The following EPPK1 variants were observed in gnomAD, a reference collection of about 807,000 sequenced individuals.
EPPK1 encodes the protein epiplakin 1, also known as epiplakin.
For synonymous variants in EPPK1, 1,862 were observed against 1,721.2 expected (o/e 1.08, Z -2.03); for missense variants, 3,823 against 3,673.3 (o/e 1.04, Z -1.05).
Position 143,867,391 on chromosome 8 carries a change from C to T in EPPK1, c.5863G>A (p.Val1955Met), listed in dbSNP as rs782020110. ...TCCTCGTTCACCAGGCCCACATCCA[C>T]AGCCTCATCCACAGAGAGCTTCTGG... The part of the protein sequence containing the change: ...TRQKLSVDEA[V>M]DVGLVNEELR... The change falls in exon 2 of 2, where the codon GTG becomes ATG. Residue 1955 changes from valine (V) to methionine (M), a missense_variant. Physicochemically the swap from Val to Met is conservative, Grantham distance 21 (BLOSUM62 1). Transcript: ENST00000615648. The T allele has an allele frequency of 6.8e-6, 11 of 1,612,812 alleles. No individual in the cohort carries two copies. The highest frequency in any genetic ancestry group is 6.7e-5 in the African/African-American group (5 of 74,936).
rs782773092 is a variant in EPPK1 at position 143,870,630 on chromosome 8, T to A, written c.2624A>T (p.Gln875Leu). The change falls in exon 2 of 2, where the codon CAG becomes CTG. Residue 875 changes from glutamine to leucine, a missense_variant. Transcript: ENST00000615648. This position sits in a 1 kb window ranked among gnomAD's most constrained non-coding sequence, Gnocchi z 5.2. Reference sequence around the variant, plus strand: ...CAGTGCGGGCAGCATGATGTCCGCCTGTCTCTGCGTCTCCGCCTCCAGCAG... The same window carrying A: ...CAGTGCGGGCAGCATGATGTCCGCCAGTCTCTGCGTCTCCGCCTCCAGCAG... The part of the protein sequence containing the change: ...AKLLEAETQR[Q>L]ADIMLPALRS... 14 of 1,606,476 alleles carry A rather than the reference T, an allele frequency of 8.7e-6. 1 individual carries two copies. The South Asian group carries it at 1.6e-4, about 18-fold the overall frequency.
At position 143,867,174 on chromosome 8, in the gene EPPK1, A is replaced by C. The variant is rs782379600; in HGVS notation, c.6080T>G (p.Leu2027Arg). 6 of 1,612,708 alleles carry C rather than the reference A, an allele frequency of 3.7e-6. No individual in the cohort carries two copies. Among genetic ancestry groups the C allele is most frequent in the South Asian group, 1.1e-5 (1 of 91,068 alleles). Reference sequence around the variant, plus strand: ...ACAGCCCCGTCTGTAGGCTGTTTCCAGTGGGAGCCGGTGGTGGTGCTGTGG... The same window carrying C: ...ACAGCCCCGTCTGTAGGCTGTTTCCCGTGGGAGCCGGTGGTGGTGCTGTGG... ...IDPQHHHRLP[L>R]ETAYRRGCLH... Residue 2027 changes from leucine (L) to arginine (R), a missense_variant, in exon 2 of 2, where the codon CTG (leucine) becomes CGG (arginine). Transcript: ENST00000615648.
Position 143,871,680 on chromosome 8 carries a change from G to GCCCT in EPPK1, c.1570_1573dup (p.Ala525GlufsTer21). ...TTCCTGGTACTGCTGGGCCAGCATCGCCCTCTGCTCTGAGGAGATGGCCTC... is the reference window on the plus strand; with the variant it reads ...TTCCTGGTACTGCTGGGCCAGCATCGCCCTCCCTCTGCTCTGAGGAGATGGCCTC... On this transcript the variant is annotated frameshift_variant, in exon 2 of 2. Coordinates refer to ENST00000615648, the MANE Select transcript of EPPK1 (RefSeq NM_031308.4). LOFTEE classifies it low-confidence loss of function (END_TRUNC). The GCCCT allele has an allele frequency of 6.2e-7, 1 of 1,603,052 alleles. No homozygotes were observed. Among genetic ancestry groups the GCCCT allele is most frequent in the Non-Finnish European group, 8.5e-7 (1 of 1,176,608 alleles).
At chr8:143,878,393 TGCC>T (rs1819526186) in intron 1 of EPPK1, 42 bp downstream of exon 1, 1 of 24,550 alleles carries the variant, frequency 4.1e-5, no homozygotes, top group Non-Finnish European at 9.2e-5. Context: ...CCGCCGCACC[TGCC>T]CGCACCCGCC....
rs1819399170 is a variant in EPPK1 at position 143,872,778 on chromosome 8, C to T, written c.476G>A (p.Gly159Asp). Residue 159 changes from glycine (G) to aspartate (D), a missense_variant, in exon 2 of 2, where the codon GGC (glycine) becomes GAC (aspartate). Gly to Asp is a moderately conservative substitution (Grantham distance 94). Coordinates refer to ENST00000615648, the MANE Select transcript of EPPK1 (RefSeq NM_031308.4). The stretch of plus-strand genomic sequence containing the variant: ...CACTCCCTGGGCGGGGTCCACCAGG[C>T]CCCCAGTGGCCAGTTGGACCTCCAG... ...SWLEVQLATG[G>D]LVDPAQGVLV... 2.5e-6 allele frequency: 4 copies of T among 1,577,898 alleles called. No individual in the cohort carries two copies. Among genetic ancestry groups the T allele is most frequent in the Non-Finnish European group, 3.5e-6 (4 of 1,158,056 alleles).
rs782310345 is a variant in EPPK1, at chr8:143,873,081, T to C, written c.173A>G (p.Tyr58Cys). 3.9e-6 allele frequency: 6 copies of C among 1,555,550 alleles called. No homozygotes were observed. In the African/African-American group the frequency reaches 6.8e-5, roughly 18 times the overall value. ...VEASGQAQSV[Y>C]AAMEQGLLPA... ...CAGGAGGCCCTGCTCCATGGCGGCG[T>C]AGACACTCTGGGCCTGGCCCGAGGC... The change falls in exon 2 of 2, where the codon TAC becomes TGC. Residue 58 changes from tyrosine (Y) to cysteine (C), a missense_variant. By Grantham distance (194) the Tyr-to-Cys change is radical (BLOSUM62 -2). Transcript: ENST00000615648.
At chr8:143,878,564 G>GGTGCCGGAAACCCCGCGCGGCC (rs1819538309), upstream of EPPK1, 2 of 141,884 alleles carry the variant, frequency 1.4e-5, no homozygotes, top group African/African-American at 5.2e-5. Context: ...GCGGGGCGGG[G>GGTGCCGGAAACCCCGCGCGGCC]CGGGCAGGTG....
Position 143,857,859 on chromosome 8 carries a change from G to C in EPPK1, c.*128C>G. 1 of 643,588 alleles carries C rather than the reference G, an allele frequency of 1.6e-6. No individual in the cohort carries two copies. The highest frequency in any genetic ancestry group is 2.3e-6 in the Non-Finnish European group (1 of 437,656). 39.9% of individuals were successfully genotyped at this position (643,588 alleles called of 1,614,324 possible). On this transcript the variant is annotated 3_prime_UTR_variant, in exon 2 of 2. Coordinates refer to ENST00000615648, the MANE Select transcript of EPPK1 (RefSeq NM_031308.4). ...ATGACAACTTAAAACGTTTTCCACA[G>C]ATAACGAATGGGTAAAACAACAAAA...
At position 143,866,935 on chromosome 8, in the gene EPPK1, G is replaced by T. The variant is rs782374797; in HGVS notation, c.6319C>A (p.Gln2107Lys). ...AACCTTCCCACTGTGATTTCCACTT[G>T]CTCTGCCTCCAGGGCCCTTCTCGTC... Reference protein sequence around the residue: ...DETRRALEAEQVEITVGRFRG... With the variant: ...DETRRALEAEKVEITVGRFRG... Residue 2107 changes from glutamine to lysine, a missense_variant, in exon 2 of 2, where the codon CAA (glutamine) becomes AAA (lysine). By Grantham distance (53) the Gln-to-Lys change is moderately conservative (BLOSUM62 1). Transcript: ENST00000615648. 2 of 1,612,928 alleles carry T rather than the reference G, an allele frequency of 1.2e-6. No individual in the cohort carries two copies. The highest frequency in any genetic ancestry group is 1.1e-5 in the South Asian group (1 of 91,078).
rs1289153811 is a variant in EPPK1, at chr8:143,870,971, A to C, written c.2283T>G (p.Ser761=). Residue 761 remains serine (S), a synonymous_variant, in exon 2 of 2, where the codon TCT becomes TCG. Transcript: ENST00000615648. This position sits in a 1 kb window ranked among gnomAD's most constrained non-coding sequence, Gnocchi z 5.2. ...GGTCGAAGAAGCCCTTGGTGTCGTC[A>C]GAAGGGTCCAACAGGATCAAGTTCA... The part of the protein sequence containing the change: ...QMLNLILLDP[S]DDTKGFFDPN... 5.6e-6 allele frequency: 9 copies of C among 1,613,390 alleles called. No homozygotes were observed. In the African/African-American group the frequency reaches 1.2e-4, roughly 22 times the overall value.
rs1554660056 is a variant in EPPK1 at position 143,868,730 on chromosome 8, C to T, written c.4524G>A (p.Leu1508=). Reference sequence around the variant, plus strand: ...GGGGCTGCCTCTCTGCAGCCTCGACCAGGGTGGTGACTGCGCTGACCACCT... The same window carrying T: ...GGGGCTGCCTCTCTGCAGCCTCGACTAGGGTGGTGACTGCGCTGACCACCT... The part of the protein sequence containing the change: ...LRQVVSAVTT[L]VEAAERQPLQ... Residue 1508 remains leucine, a synonymous_variant, in exon 2 of 2, where the codon CTG becomes CTA. Coordinates refer to ENST00000615648, the MANE Select transcript of EPPK1 (RefSeq NM_031308.4). 2 of 1,581,478 alleles carry T rather than the reference C, an allele frequency of 1.3e-6. No individual in the cohort carries two copies. Among genetic ancestry groups the T allele is most frequent in the Non-Finnish European group, 8.6e-7 (1 of 1,167,860 alleles).
In EPPK1 at chr8:143,866,956, T is replaced by C; in HGVS notation, c.6298A>G (p.Arg2100Gly). Reference sequence around the variant, plus strand: ...ACTTGCTCTGCCTCCAGGGCCCTTCTCGTCTCGTCATCGATGTGCTCGGAG... The same window carrying C: ...ACTTGCTCTGCCTCCAGGGCCCTTCCCGTCTCGTCATCGATGTGCTCGGAG... ...RDSEHIDDET[R>G]RALEAEQVEI... The change falls in exon 2 of 2, where the codon AGA (arginine) becomes GGA (glycine). Residue 2100 changes from arginine to glycine, a missense_variant. Physicochemically the swap from Arg to Gly is moderately radical, Grantham distance 125. Coordinates refer to ENST00000615648, the MANE Select transcript of EPPK1 (RefSeq NM_031308.4). 1.2e-6 allele frequency: 2 copies of C among 1,612,854 alleles called. No homozygotes were observed. Among genetic ancestry groups the C allele is most frequent in the Non-Finnish European group, 1.7e-6 (2 of 1,179,848 alleles).
chr8:143,869,358 GAC>G lies in EPPK1; in HGVS notation c.3894_3895del (p.Val1300GlyfsTer5). 1 of 1,610,820 alleles carries G rather than the reference GAC, an allele frequency of 6.2e-7. No individual in the cohort carries two copies. The highest frequency in any genetic ancestry group is 1.7e-5 in the Admixed American group (1 of 59,838). On this transcript the variant is annotated frameshift_variant, in exon 2 of 2. Transcript: ENST00000615648. LOFTEE classifies it low-confidence loss of function (END_TRUNC). ...GCCGACCTTAACCGCGTCCTCCACT[GAC>G]AGTCTCTGGTTGTTCAGGGGGTCAA...
Position 143,871,479 on chromosome 8 carries a change from G to A in EPPK1, c.1775C>T (p.Thr592Ile). The part of the protein sequence containing the change: ...LYERLEHGQA[T>I]AKDVGSLASV... ...GGCCAGGCTGCCCACATCCTTGGCT[G>A]TGGCCTGTCCATGCTCCAGCCGCTC... is the stretch of plus-strand genomic sequence containing the variant. Residue 592 changes from threonine to isoleucine, a missense_variant, in exon 2 of 2, where the codon ACA becomes ATA. Thr to Ile is a moderately conservative substitution (Grantham distance 89). Coordinates refer to ENST00000615648, the MANE Select transcript of EPPK1 (RefSeq NM_031308.4). The A allele has an allele frequency of 6.2e-7, 1 of 1,609,202 alleles. No homozygotes were observed.
rs1554659248 is a variant in EPPK1 at position 143,866,940 on chromosome 8, G to C, written c.6314C>G (p.Ala2105Gly). Residue 2105 changes from alanine to glycine, a missense_variant, in exon 2 of 2, where the codon GCA becomes GGA. Physicochemically the swap from Ala to Gly is moderately conservative, Grantham distance 60. Transcript: ENST00000615648. ...TCCCACTGTGATTTCCACTTGCTCT[G>C]CCTCCAGGGCCCTTCTCGTCTCGTC... ...IDDETRRALEAEQVEITVGRF... is the reference protein window; with the variant it reads ...IDDETRRALEGEQVEITVGRF... 6.2e-7 allele frequency: 1 copy of C among 1,612,868 alleles called. No individual in the cohort carries two copies. Among genetic ancestry groups the C allele is most frequent in the South Asian group, 1.1e-5 (1 of 91,082 alleles).
Position 143,858,073 on chromosome 8 carries a change from C to G in EPPK1, c.15181G>C (p.Glu5061Gln). 6.2e-7 allele frequency: 1 copy of G among 1,613,440 alleles called. No individual in the cohort carries two copies. Residue 5061 changes from glutamate to glutamine, a missense_variant, in exon 2 of 2, where the codon GAG (glutamate) becomes CAG (glutamine). Transcript: ENST00000615648. ...TKGFFDPNTHENLTYLQLLQR... is the reference protein window; with the variant it reads ...TKGFFDPNTHQNLTYLQLLQR... ...AGAAGCTGCAGGTACGTGAGGTTCT[C>G]GTGCGTGTTGGGGTCGAAGAAGCCC... is the stretch of plus-strand genomic sequence containing the variant.
Position 143,867,166 on chromosome 8 carries a change from C to G in EPPK1, c.6088G>C (p.Ala2030Pro). 2 of 1,612,792 alleles carry G rather than the reference C, an allele frequency of 1.2e-6. No homozygotes were observed. The highest frequency in any genetic ancestry group is 1.7e-6 in the Non-Finnish European group (2 of 1,179,752). The change falls in exon 2 of 2, where the codon GCC becomes CCC. Residue 2030 changes from alanine (A) to proline (P), a missense_variant. Ala to Pro is a conservative substitution (Grantham distance 27). Coordinates refer to ENST00000615648, the MANE Select transcript of EPPK1 (RefSeq NM_031308.4). ...TTGTGCAGACAGCCCCGTCTGTAGG[C>G]TGTTTCCAGTGGGAGCCGGTGGTGG... Reference protein sequence around the residue: ...QHHHRLPLETAYRRGCLHKDI... With the variant: ...QHHHRLPLETPYRRGCLHKDI...
chr8:143,870,254 C>G lies in EPPK1; in HGVS notation c.3000G>C (p.Arg1000Ser), dbSNP rs782542759. The G allele has an allele frequency of 1.2e-6, 2 of 1,600,888 alleles. No individual in the cohort carries two copies. The highest frequency in any genetic ancestry group is 1.7e-5 in the Admixed American group (1 of 58,712). Residue 1000 changes from arginine (R) to serine (S), a missense_variant, in exon 2 of 2, where the codon AGG becomes AGC. Arg to Ser is a moderately radical substitution (Grantham distance 110). Transcript: ENST00000615648. This position sits in a 1 kb window ranked among gnomAD's most constrained non-coding sequence, Gnocchi z 5.2. ...RGVVGPELYG[R>S]LKRAEGAIAG... is the part of the protein sequence containing the mutation. ...CAATGGCACCCTCAGCCCGCTTCAG[C>G]CTGCCATACAGCTCCGGCCCCACCA... is the stretch of plus-strand genomic sequence containing the variant.
intron 1 of EPPK1, among the ~76,000 whole-genome samples, chr8:143,875,486 G>A (rs1489694245): frequency 1.3e-5 from 2 of 152,268 alleles, no homozygotes; most frequent in African/African-American, 4.8e-5. Context: ...GAGAGCCAGG[G>A]CTCCAGGAAG....
Sources: allele counts gnomAD v4.1 joint callset (sites outside exome capture counted in the v4.1 genomes callset), GRCh38; gene constraint gnomAD v4.1.1; non-coding constraint Gnocchi (gnomAD v3.1); transcripts MANE v1.5; gene names NCBI Gene and HGNC (gene_info 2026-07-23, HGNC 2026-07-21).